The following KPNA6 variants were observed in gnomAD, a reference collection of about 807,000 sequenced individuals.
The protein encoded by KPNA6 is karyopherin subunit alpha 6, also known as importin subunit alpha-7.
Under a neutral mutation model 72.0 loss-of-function variants are expected in KPNA6, and 9 were observed. The observed-to-expected ratio is 0.13, with a 90% confidence interval of 0.08 to 0.22. The LOEUF is 0.22. KPNA6 is among the 10% of genes least tolerant of loss of function. The probability of loss-of-function intolerance (pLI) is 1.00; values close to 1 mark genes in which losing one functional copy is unlikely to be tolerated. For missense variants in KPNA6, 374 were observed against 655.7 expected, an observed-to-expected ratio of 0.57 and a Z score of 4.69; for synonymous variants, 219 against 242.1, an observed-to-expected ratio of 0.90 and a Z score of 0.89.
chr1:32,133,394 A>T (rs1322178466), intron 1 of KPNA6, among the ~76,000 whole-genome samples: 1 of 151,760 alleles, frequency 6.6e-6, no homozygotes, highest in Non-Finnish European at 1.5e-5. Flanking sequence ...CAAAGTGCTG[A>T]AAGAGGCCAG....
chr1:32,172,890 T>G lies in KPNA6; in HGVS notation c.*1996T>G, dbSNP rs1473907758. 1 of 393,196 alleles carries G rather than the reference T, an allele frequency of 2.5e-6. No individual in the cohort carries two copies. Among genetic ancestry groups the G allele is most frequent in the East Asian group, 3.6e-5 (1 of 27,770 alleles). 24.4% of individuals were successfully genotyped at this position (393,196 alleles called of 1,614,324 possible). Reference sequence around the variant, plus strand: ...CAGGTGAAATCCATGCCCTTCTGCTTATAGACCTAAAGTTCAGGTACTTAT... The same window carrying G: ...CAGGTGAAATCCATGCCCTTCTGCTGATAGACCTAAAGTTCAGGTACTTAT... On this transcript the variant is annotated 3_prime_UTR_variant, in exon 14 of 14. Transcript: ENST00000373625.
intron 1 of KPNA6, among the ~76,000 whole-genome samples, chr1:32,129,752 G>A (rs1001445012): frequency 1.3e-5 from 2 of 152,044 alleles, no homozygotes; most frequent in Non-Finnish European, 2.9e-5. Flanking sequence ...TAGTAGAGAC[G>A]AGGTCTCACT....
intron 1 of KPNA6, among the ~76,000 whole-genome samples, chr1:32,128,034 G>A (rs1401414147): frequency 6.6e-6 from 1 of 151,966 alleles, no homozygotes; most frequent in Non-Finnish European, 1.5e-5. Context: ...TTTTGTGCTG[G>A]CTTAAATGGA....
rs7540295 is a variant in KPNA6 at position 32,132,566 on chromosome 1, C to T, written c.5-22022C>T. Among the ~76,000 whole-genome samples, 795 of 152,006 alleles carry T rather than the reference C, an allele frequency of 5.2e-3. 2 individuals carry two copies. Among genetic ancestry groups the T allele is most frequent in the African/African-American group, 0.018 (751 of 41,494 alleles). On this transcript the variant is annotated intron_variant, in intron 1 of 13. Transcript: ENST00000373625. Reference sequence around the variant, plus strand: ...CAACCTCCCAAAGTGGGAACACAGGCGTGAGCCACCATTTCCAGTCAGTGC... The same window carrying T: ...CAACCTCCCAAAGTGGGAACACAGGTGTGAGCCACCATTTCCAGTCAGTGC...
chr1:32,162,138 A>G, intron 8 of KPNA6, 92 bp downstream of exon 8: 1 of 1,071,244 alleles, frequency 9.3e-7, no homozygotes. Flanking sequence ...GTCTCAAATC[A>G]TGGGAAACTG....
At chr1:32,165,903 C>G (rs1642325548) in intron 10 of KPNA6, among the ~76,000 whole-genome samples, 1 of 151,036 alleles carries the variant, frequency 6.6e-6, no homozygotes, top group Non-Finnish European at 1.5e-5. Context: ...GAGGCTGAGG[C>G]TGGAGAATCA....
At chr1:32,163,186 G>T (rs1308991154) in intron 9 of KPNA6, 49 bp from the exon 10 acceptor site, 2 of 1,214,938 alleles carry the variant, frequency 1.6e-6, no homozygotes, top group Non-Finnish European at 2.4e-6. Flanking sequence ...GAATCAGCAG[G>T]GCCGAAAATG....
intron 1 of KPNA6, among the ~76,000 whole-genome samples, chr1:32,152,961 G>A (rs966132959): frequency 3.5e-5 from 5 of 143,032 alleles, no homozygotes; most frequent in Non-Finnish European, 4.5e-5. Flanking sequence ...GGGTTGCAGT[G>A]AGCCAAGATC....
chr1:32,142,714 G>A (rs1246899034), intron 1 of KPNA6, among the ~76,000 whole-genome samples: 1 of 152,172 alleles, frequency 6.6e-6, no homozygotes, highest in Non-Finnish European at 1.5e-5. Context: ...TGCTAGAAAA[G>A]TTTATTTGTA....
Position 32,163,107 on chromosome 1 carries a change from AAAAAAAG to A in KPNA6, c.912-114_912-108del, listed in dbSNP as rs1229695047. 190 of 660,286 alleles carry A rather than the reference AAAAAAAG, an allele frequency of 2.9e-4. 1 individual carries two copies. In the African/African-American group the frequency reaches 3.1e-3, roughly 11 times the overall value. The allele number at this position is 660,286 out of a possible 1,614,324, so 40.9% of individuals were successfully genotyped here. A position where few individuals can be genotyped will look rare whatever the true frequency, so the allele number is the denominator to read the frequency against. On this transcript the variant is annotated intron_variant, in intron 9 of 13. Transcript: ENST00000373625. Reference sequence around the variant, plus strand: ...CGACAGAGCGAGACTCTGTCTCAAAAAAAAAAGAAAAAAGAAAAAAAAAGGGTACAGG... The same window carrying A: ...CGACAGAGCGAGACTCTGTCTCAAAAAAAAAAGAAAAAAAAAGGGTACAGG...
intron 1 of KPNA6, chr1:32,143,008 GA>G: frequency 7.8e-7 from 1 of 1,289,432 alleles, no homozygotes; most frequent in Non-Finnish European, 1.0e-6. Context: ...GCTCAGTCAT[GA>G]AAAGCTATGT....
chr1:32,154,878 C>A (rs1266440565), intron 2 of KPNA6, among the ~76,000 whole-genome samples, 157 bp downstream of exon 2: 1 of 152,042 alleles, frequency 6.6e-6, no homozygotes, highest in Non-Finnish European at 1.5e-5. Flanking sequence ...GAGGCCAAGG[C>A]AGGCAGATCA....
intron 1 of KPNA6, among the ~76,000 whole-genome samples, chr1:32,144,427 C>T (rs1202159453): frequency 6.6e-6 from 1 of 152,184 alleles, no homozygotes; most frequent in African/African-American, 2.4e-5. Context: ...TGACACTCTG[C>T]AAAGCAAAAC....
At chr1:32,144,962 T>G (rs1641904855) in intron 1 of KPNA6, among the ~76,000 whole-genome samples, 1 of 149,962 alleles carries the variant, frequency 6.7e-6, no homozygotes, top group Non-Finnish European at 1.5e-5. Context: ...TTTTTTTTTT[T>G]TTTTTCTTGA....
At chr1:32,114,798 C>T (rs1339616928) in intron 1 of KPNA6, among the ~76,000 whole-genome samples, 2 of 152,188 alleles carry the variant, frequency 1.3e-5, no homozygotes, top group Admixed American at 1.3e-4. Context: ...TTAGCTTGAT[C>T]TTCTGGATAA....
intron 1 of KPNA6, among the ~76,000 whole-genome samples, chr1:32,129,502 C>T (rs1415310226): frequency 6.6e-6 from 1 of 151,928 alleles, no homozygotes; most frequent in Admixed American, 6.6e-5. Context: ...AATTTTGTTT[C>T]TCTGCATATT....
Position 32,156,167 on chromosome 1 carries a change from A to T in KPNA6, c.139-686A>T, listed in dbSNP as rs1642139553. Among the ~76,000 whole-genome samples the T allele has an allele frequency of 2.0e-5, 3 of 150,492 alleles. No individual in the cohort carries two copies. In the South Asian group the frequency reaches 6.3e-4, roughly 32 times the overall value. ...GCCCAGGTTGGAGTACAGTGGCGTG[A>T]TCTTGGCCCACTGCTGCCTCTGCCT... is the stretch of plus-strand genomic sequence containing the variant. On this transcript the variant is annotated intron_variant, in intron 2 of 13. Transcript: ENST00000373625.
rs995252824 is a variant in KPNA6, at chr1:32,157,505, T to C, written c.331+60T>C. ...ATGATTTAGCCTCTTTTCTCTTCAC[T>C]GATGTCATCAACTTACACGTGCCCT... On this transcript the variant is annotated intron_variant, in intron 4 of 13. Transcript: ENST00000373625. 11 of 1,241,004 alleles carry C rather than the reference T, an allele frequency of 8.9e-6. No homozygotes were observed. The African/African-American group carries it at 1.6e-4, about 18-fold the overall frequency. 76.9% of individuals were successfully genotyped at this position (1,241,004 alleles called of 1,614,324 possible). A position where few individuals can be genotyped will look rare whatever the true frequency, so the allele number is the denominator to read the frequency against.
chr1:32,132,471 A>G (rs1411096050), intron 1 of KPNA6, among the ~76,000 whole-genome samples: 2 of 151,952 alleles, frequency 1.3e-5, no homozygotes, highest in Non-Finnish European at 2.9e-5. Context: ...TGTATTTTTT[A>G]TAGAAATGGG....
Sources: allele counts gnomAD v4.1 joint callset (sites outside exome capture counted in the v4.1 genomes callset), GRCh38; gene constraint gnomAD v4.1.1; transcripts MANE v1.5; gene names NCBI Gene and HGNC (gene_info 2026-07-23, HGNC 2026-07-21).